Variants in SETBP1 observed in about 807,000 individuals in gnomAD.
SETBP1 encodes the protein SET-binding protein.
Under a neutral mutation model 101.0 loss-of-function variants are expected in SETBP1, and 9 were observed. The ratio of observed to expected loss-of-function variants is 0.09; its 90% CI spans 0.05 to 0.16. The LOEUF (loss-of-function observed/expected upper bound fraction) is 0.16. SETBP1 is among the 10% of genes least tolerant of loss of function. The pLI is 1.00. For missense variants in SETBP1, 1,858 were observed against 2,033.8 expected, an observed-to-expected ratio of 0.91 and a Z score of 1.66; for synonymous variants, 818 against 788.5, an observed-to-expected ratio of 1.04 and a Z score of -0.63.
chr18:44,959,900 A>G (rs575117811), intron 4 of SETBP1, among the ~76,000 whole-genome samples: 2 of 152,266 alleles, frequency 1.3e-5, no homozygotes, highest in East Asian at 3.9e-4. Flanking sequence ...TTGGGAAAGC[A>G]TGCATAGTGC....
intron 2 of SETBP1, among the ~76,000 whole-genome samples, chr18:44,804,678 C>A (rs1022258908): frequency 6.6e-6 from 1 of 152,064 alleles, no homozygotes; most frequent in African/African-American, 2.4e-5. Context: ...AAGGCAAAAG[C>A]CCATAAATAT....
intron 5 of SETBP1, among the ~76,000 whole-genome samples, chr18:45,059,813 G>A (rs189404642): frequency 1.3e-5 from 2 of 152,298 alleles, no homozygotes. Flanking sequence ...AACTCTGTTG[G>A]ACAGCCCTAC....
At chr18:44,992,964 A>G (rs951835886) in intron 4 of SETBP1, among the ~76,000 whole-genome samples, 1 of 152,110 alleles carries the variant, frequency 6.6e-6, no homozygotes, top group Non-Finnish European at 1.5e-5. Context: ...GATACATTTC[A>G]ACTATGATTT....
At chr18:44,742,575 T>C (rs993629486) in intron 2 of SETBP1, among the ~76,000 whole-genome samples, 7 of 152,226 alleles carry the variant, frequency 4.6e-5, no homozygotes, top group Non-Finnish European at 8.8e-5. Context: ...AAAGGCAAGA[T>C]GACAAAAGAA....
chr18:44,932,567 G>T (rs12326746), intron 3 of SETBP1, among the ~76,000 whole-genome samples: 1 of 151,968 alleles, frequency 6.6e-6, no homozygotes, highest in African/African-American at 2.4e-5. Context: ...CCATCACTTT[G>T]AGGTACACCA....
At chr18:44,857,763 A>G (rs180793958) in intron 2 of SETBP1, among the ~76,000 whole-genome samples, 1 of 152,318 alleles carries the variant, frequency 6.6e-6, no homozygotes, top group East Asian at 1.9e-4. Context: ...ACTGTGAGTC[A>G]AGCATACGTG....
At chr18:44,904,926 G>C (rs1258068693) in intron 3 of SETBP1, among the ~76,000 whole-genome samples, 1 of 152,244 alleles carries the variant, frequency 6.6e-6, no homozygotes, top group Non-Finnish European at 1.5e-5. Context: ...ACTATCTCTG[G>C]TGGCCACATC....
intron 3 of SETBP1, among the ~76,000 whole-genome samples, chr18:44,948,503 A>ATAGATAGATAGATAGATAGAT (rs765801342): frequency 1.4e-5 from 2 of 144,124 alleles, no homozygotes; most frequent in African/African-American, 5.3e-5. Flanking sequence ...GATAGATGAT[A>ATAGATAGATAGATAGATAGAT]GATAGATAGA....
At chr18:44,719,381 G>C (rs546928976) in intron 2 of SETBP1, among the ~76,000 whole-genome samples, 39 of 152,280 alleles carry the variant, frequency 2.6e-4, no homozygotes, top group African/African-American at 9.1e-4. Context: ...TGGTATGTGC[G>C]TATGGGCGGC....
intron 5 of SETBP1, among the ~76,000 whole-genome samples, chr18:45,052,504 A>G (rs1342632189): frequency 6.6e-6 from 1 of 152,234 alleles, no homozygotes; most frequent in Non-Finnish European, 1.5e-5. Context: ...TCACTAGGGC[A>G]GAAGAGTTGC....
chr18:45,021,935 G>C (rs2073078831), intron 4 of SETBP1, among the ~76,000 whole-genome samples: 2 of 152,216 alleles, frequency 1.3e-5, no homozygotes, highest in South Asian at 4.1e-4. Context: ...TGTTGAGGAA[G>C]AGAAAAGGAA....
At position 45,067,527 on chromosome 18, in the gene SETBP1, CCTT is replaced by C. The variant is rs1408712655; in HGVS notation, c.*3832_*3834del. 1 of 152,140 alleles carries C rather than the reference CCTT, an allele frequency of 6.6e-6. No individual in the cohort carries two copies. Among genetic ancestry groups the C allele is most frequent in the African/African-American group, 2.4e-5 (1 of 41,426 alleles). The allele number at this position is 152,140 out of a possible 1,614,324, so 9.4% of individuals were successfully genotyped here. ...AGTGTTACGTTGCAGGATTTTCAGT[CCTT>C]CTCGTTATGTAAAAGTAGATAAATA... is the stretch of plus-strand genomic sequence containing the variant. On this transcript the variant is annotated 3_prime_UTR_variant, in exon 6 of 6. Transcript: ENST00000649279.
At chr18:44,774,072 T>G (rs2070939953) in intron 2 of SETBP1, among the ~76,000 whole-genome samples, 1 of 152,158 alleles carries the variant, frequency 6.6e-6, no homozygotes, top group Non-Finnish European at 1.5e-5. Context: ...GAGGACAATG[T>G]GAGAAAGAGG....
intron 3 of SETBP1, among the ~76,000 whole-genome samples, chr18:44,880,142 G>A (rs1235297870): frequency 6.6e-6 from 1 of 152,124 alleles, no homozygotes; most frequent in East Asian, 1.9e-4. Context: ...CTAGGACTTG[G>A]GGATTTTTTA....
At chr18:44,808,566 C>T (rs554950180) in intron 2 of SETBP1, among the ~76,000 whole-genome samples, 13 of 152,236 alleles carry the variant, frequency 8.5e-5, no homozygotes, top group African/African-American at 2.9e-4. Flanking sequence ...ACAGCACATG[C>T]GTCGACAGAA....
intron 2 of SETBP1, among the ~76,000 whole-genome samples, chr18:44,744,982 G>A (rs1164399070): frequency 1.3e-5 from 2 of 152,086 alleles, no homozygotes; most frequent in African/African-American, 4.8e-5. Flanking sequence ...CGCGTCTGGG[G>A]CTGGCGGGCA....
At position 44,756,303 on chromosome 18, in the gene SETBP1, C is replaced by T. The variant is rs2070492721; in HGVS notation, c.486+54471C>T. The stretch of plus-strand genomic sequence containing the variant: ...ACATGCTAATGTTGCTAATGTGCCT[C>T]GTGAGTCTCCACATGTGAGAAGTGC... On this transcript the variant is annotated intron_variant, in intron 2 of 5. Transcript: ENST00000649279. Among the ~76,000 whole-genome samples, 2 of 152,098 alleles carry T rather than the reference C, an allele frequency of 1.3e-5. 1 individual carries two copies. Among genetic ancestry groups the T allele is most frequent in the Non-Finnish European group, 2.9e-5 (2 of 68,032 alleles).
chr18:44,827,479 C>G (rs1350410088), intron 2 of SETBP1, among the ~76,000 whole-genome samples: 3 of 152,176 alleles, frequency 2.0e-5, no homozygotes, highest in Non-Finnish European at 2.9e-5. Flanking sequence ...GTCAGACAGC[C>G]CCCATGATAG....
intron 3 of SETBP1, chr18:44,877,359 G>C (rs757827673): frequency 4.6e-5 from 45 of 970,988 alleles, no homozygotes; most frequent in Non-Finnish European, 5.4e-5. Context: ...GATAAGCTCT[G>C]TTCTAGTTAA....
Sources: gnomAD v4.1 joint callset for allele counts (sites outside exome capture counted in the v4.1 genomes callset) on GRCh38, gnomAD v4.1.1 for gene constraint, MANE v1.5 for transcripts, NCBI Gene and HGNC (gene_info 2026-07-23, HGNC 2026-07-21) for gene names.